Variants in STAG1 observed in about 807,000 individuals in gnomAD.
STAG1 encodes STAG1 cohesin complex component, also known as cohesin subunit SA-1.
Under a neutral mutation model 170.9 loss-of-function variants are expected in STAG1, and 26 were observed. The observed-to-expected ratio is 0.15, with a 90% confidence interval of 0.11 to 0.21. The LOEUF (loss-of-function observed/expected upper bound fraction) is 0.21. Ranked by LOEUF, STAG1 falls within the 10% of genes least tolerant of loss-of-function variation. The pLI is 1.00. For missense variants in STAG1, 964 were observed against 1,509.5 expected (o/e 0.64, Z 5.99); for synonymous variants, 514 against 497.7 (o/e 1.03, Z -0.44).
intron 3 of STAG1, among the ~76,000 whole-genome samples, chr3:136,613,262 G>A (rs545325987): frequency 6.1e-4 from 79 of 129,058 alleles, no homozygotes; most frequent in Admixed American, 1.3e-3. Context: ...CCACGATCAT[G>A]CCACTGCACT....
At chr3:136,638,456 T>C (rs1376654605) in intron 1 of STAG1, among the ~76,000 whole-genome samples, 1 of 152,132 alleles carries the variant, frequency 6.6e-6, no homozygotes, top group Non-Finnish European at 1.5e-5. Context: ...TTCTTAATGC[T>C]TGAAACCTAG....
intron 8 of STAG1, among the ~76,000 whole-genome samples, chr3:136,501,529 A>G (rs934240373): frequency 3.0e-4 from 46 of 152,210 alleles, no homozygotes; most frequent in Admixed American, 4.6e-4. Flanking sequence ...CCACCAGCCA[A>G]GCAACTACCA....
intron 5 of STAG1, among the ~76,000 whole-genome samples, chr3:136,555,338 T>C (rs1298817196): frequency 6.6e-6 from 1 of 151,002 alleles, no homozygotes; most frequent in Non-Finnish European, 1.5e-5. Context: ...ATAGCGAGTC[T>C]CTAAATAATA....
chr3:136,579,956 G>A (rs983641580), intron 4 of STAG1, among the ~76,000 whole-genome samples: 1 of 99,012 alleles, frequency 1.0e-5, no homozygotes, highest in Non-Finnish European at 2.0e-5. Context: ...AATACCATCT[G>A]AATTTTTTTT....
chr3:136,433,486 T>C, intron 16 of STAG1, 70 bp downstream of exon 16: 2 of 1,122,762 alleles, frequency 1.8e-6, no homozygotes, highest in East Asian at 2.4e-5. Flanking sequence ...ATCAGTAAAA[T>C]TTCCAAATAT....
intron 2 of STAG1, among the ~76,000 whole-genome samples, chr3:136,627,090 G>C (rs982343574): frequency 6.6e-6 from 1 of 152,122 alleles, no homozygotes; most frequent in Non-Finnish European, 1.5e-5. Context: ...ATTGTTTATT[G>C]ATGCCCCTAC....
At chr3:136,558,487 A>G (rs1936711682) in intron 5 of STAG1, among the ~76,000 whole-genome samples, 1 of 152,258 alleles carries the variant, frequency 6.6e-6, no homozygotes. Context: ...AGTTCATGCA[A>G]GAGAAAATTC....
intron 28 of STAG1, among the ~76,000 whole-genome samples, chr3:136,354,765 A>AAAAAAAAAAAAAAAC (rs1936575557): frequency 6.8e-6 from 1 of 146,800 alleles, no homozygotes; most frequent in African/African-American, 2.5e-5. Flanking sequence ...AAAAAAAAAA[A>AAAAAAAAAAAAAAAC]AAACCAAAAA....
intron 1 of STAG1, among the ~76,000 whole-genome samples, chr3:136,638,982 A>G (rs1191649195): frequency 6.6e-6 from 1 of 152,062 alleles, no homozygotes; most frequent in Non-Finnish European, 1.5e-5. Context: ...ACAGTCTTTA[A>G]AACAGCTAAC....
chr3:136,422,303 C>T (rs1193108189), intron 19 of STAG1, 107 bp downstream of exon 19: 2 of 1,055,050 alleles, frequency 1.9e-6, no homozygotes, highest in African/African-American at 1.6e-5. Flanking sequence ...AAGGGGCAGA[C>T]AATTCTACTC....
At chr3:136,515,012 T>C (rs1278780157) in intron 7 of STAG1, among the ~76,000 whole-genome samples, 5 of 152,160 alleles carry the variant, frequency 3.3e-5, no homozygotes, top group East Asian at 1.9e-4. Flanking sequence ...TATACCTATG[T>C]AACAAACCTG....
rs755790811 is a variant in STAG1, at chr3:136,377,614, G to C, written c.2370+46C>G. The C allele has an allele frequency of 2.0e-6, 3 of 1,465,010 alleles. No individual in the cohort carries two copies. The South Asian group carries it at 3.4e-5, about 17-fold the overall frequency. 90.8% of individuals were successfully genotyped at this position (1,465,010 alleles called of 1,614,324 possible). On this transcript the variant is annotated intron_variant, in intron 23 of 33. Coordinates refer to ENST00000383202, the MANE Select transcript of STAG1 (RefSeq NM_005862.3). Reference sequence around the variant, plus strand: ...TTGTATCTTCTTAATGTTCATTAATGTATTTGAGTTGATTTTATTGAGAGC... The same window carrying C: ...TTGTATCTTCTTAATGTTCATTAATCTATTTGAGTTGATTTTATTGAGAGC...
intron 30 of STAG1, among the ~76,000 whole-genome samples, chr3:136,342,025 T>G (rs1019601865): frequency 1.1e-4 from 17 of 151,804 alleles, no homozygotes; most frequent in Non-Finnish European, 2.5e-4. Flanking sequence ...CTAAGGAATT[T>G]TTTTTTTTTT....
intron 7 of STAG1, among the ~76,000 whole-genome samples, chr3:136,506,539 G>A (rs1210782329): frequency 4.0e-5 from 6 of 150,304 alleles, no homozygotes; most frequent in Non-Finnish European, 7.4e-5. Context: ...CCAGCTACTC[G>A]GTAGGCTGAG....
chr3:136,377,236 A>G (rs1255705980), intron 23 of STAG1, among the ~76,000 whole-genome samples: 1 of 149,294 alleles, frequency 6.7e-6, no homozygotes, highest in African/African-American at 2.4e-5. Context: ...AAATACAAAA[A>G]ATTAGCTGGG....
At chr3:136,691,939 T>C (rs370615597) in intron 1 of STAG1, among the ~76,000 whole-genome samples, 101 of 152,270 alleles carry the variant, frequency 6.6e-4, no homozygotes, top group African/African-American at 2.1e-3. Flanking sequence ...GGCATAAGTC[T>C]AAATGAACTA....
At chr3:136,648,955 C>T (rs139417783) in intron 1 of STAG1, among the ~76,000 whole-genome samples, 27 of 152,272 alleles carry the variant, frequency 1.8e-4, no homozygotes, top group Non-Finnish European at 2.6e-4. Flanking sequence ...TCTACCACTT[C>T]GAGGATAATA....
chr3:136,619,625 C>T (rs1372161766), intron 3 of STAG1, among the ~76,000 whole-genome samples: 7 of 151,610 alleles, frequency 4.6e-5, no homozygotes, highest in Admixed American at 3.9e-4. Context: ...GGTGTGGTGG[C>T]GCATGCCTGT....
chr3:136,497,933 C>T (rs890953198), intron 9 of STAG1, among the ~76,000 whole-genome samples: 1 of 150,656 alleles, frequency 6.6e-6, no homozygotes. Context: ...TGGCTCACGA[C>T]TATAATCCCA....
Sources: gnomAD v4.1 joint callset for allele counts (sites outside exome capture counted in the v4.1 genomes callset) on GRCh38, gnomAD v4.1.1 for gene constraint, MANE v1.5 for transcripts, NCBI Gene and HGNC (gene_info 2026-07-23, HGNC 2026-07-21) for gene names.